The following CLSTN1 variants were observed in gnomAD, a reference collection of about 807,000 sequenced individuals.
The protein encoded by CLSTN1 is calsyntenin 1.
A neutral mutation model predicts 108.3 loss-of-function variants in CLSTN1; 28 were observed. The observed-to-expected ratio is 0.26, with a 90% CI of 0.19 to 0.35. The LOEUF (loss-of-function observed/expected upper bound fraction) is 0.35. Ranked by LOEUF, CLSTN1 falls within the 10% of genes least tolerant of loss-of-function variation. The pLI, the probability that CLSTN1 is intolerant of heterozygous loss-of-function variation, is 1.00. For missense variants in CLSTN1, 1,157 were observed against 1,302.6 expected, an observed-to-expected ratio of 0.89 and a Z score of 1.72; for synonymous variants, 524 against 534.9, an observed-to-expected ratio of 0.98 and a Z score of 0.28.
intron 6 of CLSTN1, 24 bp downstream of exon 6, chr1:9,749,740 C>A: frequency 6.2e-7 from 1 of 1,613,078 alleles, no homozygotes; most frequent in South Asian, 1.1e-5. Context: ...CAGATGTGAG[C>A]GCAGGGGAGA....
rs1305055588 is a variant in CLSTN1 at position 9,734,205 on chromosome 1, C to T, written c.2111-63G>A. Reference sequence around the variant, plus strand: ...CAGTGGGGCCCAGCGTGGCGGGGCACACTGGATGCCCTGCCGGCTCACCCC... The same window carrying T: ...CAGTGGGGCCCAGCGTGGCGGGGCATACTGGATGCCCTGCCGGCTCACCCC... On this transcript the variant is annotated intron_variant, in intron 14 of 18. Transcript: ENST00000377298. This position sits in a 1 kb window ranked among gnomAD's most constrained non-coding sequence, Gnocchi z 4.8. 1.3e-6 allele frequency: 2 copies of T among 1,521,756 alleles called. No individual in the cohort carries two copies. Among genetic ancestry groups the T allele is most frequent in the Non-Finnish European group, 9.0e-7 (1 of 1,106,784 alleles). The allele number at this position is 1,521,756 out of a possible 1,614,324, so 94.3% of individuals were successfully genotyped here.
In CLSTN1 at chr1:9,729,329, A is replaced by G. The variant is rs1650192751; in HGVS notation, c.*1179T>C. 6.6e-6 allele frequency: 1 copy of G among 152,648 alleles called. No homozygotes were observed. Among genetic ancestry groups the G allele is most frequent in the Non-Finnish European group, 1.5e-5 (1 of 68,050 alleles). 9.5% of individuals were successfully genotyped at this position (152,648 alleles called of 1,614,324 possible). A position where few individuals can be genotyped will look rare whatever the true frequency, so the allele number is the denominator to read the frequency against. On this transcript the variant is annotated 3_prime_UTR_variant, in exon 19 of 19. Coordinates refer to ENST00000377298, the MANE Select transcript of CLSTN1 (RefSeq NM_001009566.3). ...AAGAGCAAAGTGCTATGTGGGTTTT[A>G]GACCATGACTGTTTGTTTGCTCTCC...
intron 1 of CLSTN1, among the ~76,000 whole-genome samples, chr1:9,812,538 C>G (rs1286524126): frequency 1.3e-5 from 2 of 152,044 alleles, no homozygotes; most frequent in African/African-American, 4.8e-5. Context: ...TAGAAGGGCC[C>G]CAGGGTTGGT....
intron 2 of CLSTN1, among the ~76,000 whole-genome samples, chr1:9,761,366 G>A (rs1318697488): frequency 6.6e-6 from 1 of 151,984 alleles, no homozygotes; most frequent in East Asian, 1.9e-4. Context: ...GGTGGCGTGT[G>A]CCTGAGGTCC....
chr1:9,778,936 T>A (rs1021353735), intron 1 of CLSTN1, among the ~76,000 whole-genome samples: 22 of 150,514 alleles, frequency 1.5e-4, no homozygotes, highest in Non-Finnish European at 3.1e-4. Flanking sequence ...GGCAGGAGAA[T>A]CGCTTGAACC....
At chr1:9,768,920 T>G (rs1284614841) in intron 2 of CLSTN1, among the ~76,000 whole-genome samples, 1 of 83,200 alleles carries the variant, frequency 1.2e-5, no homozygotes, top group African/African-American at 4.9e-5. Context: ...AGGGAGAAAG[T>G]AAAGGAGAAA....
At chr1:9,762,721 C>T (rs1652141774) in intron 2 of CLSTN1, among the ~76,000 whole-genome samples, 1 of 150,696 alleles carries the variant, frequency 6.6e-6, no homozygotes, top group African/African-American at 2.5e-5. Flanking sequence ...GGCCTTGGTG[C>T]CCGCACTCAA....
rs1251920670 is a variant in CLSTN1 at position 9,823,616 on chromosome 1, G to GCGGCC, written c.91+22_91+26dup. On this transcript the variant is annotated intron_variant, in intron 1 of 18. Coordinates refer to ENST00000377298, the MANE Select transcript of CLSTN1 (RefSeq NM_001009566.3). This position sits in a 1 kb window ranked among gnomAD's most constrained non-coding sequence, Gnocchi z 6.3. The stretch of plus-strand genomic sequence containing the variant: ...CGGACCCGAATCCCGCACCGACCCA[G>GCGGCC]CGGCCCGGCCCAGCCCCGGGGCTTA... 75 of 1,177,890 alleles carry GCGGCC rather than the reference G, an allele frequency of 6.4e-5. No individual in the cohort carries two copies. In the African/African-American group the frequency reaches 7.7e-4, roughly 12 times the overall value. The allele number at this position is 1,177,890 out of a possible 1,614,324, so 73.0% of individuals were successfully genotyped here. A position where few individuals can be genotyped will look rare whatever the true frequency, so the allele number is the denominator to read the frequency against.
In CLSTN1 at chr1:9,817,028, G is replaced by A. The variant is rs1655000238; in HGVS notation, c.91+6615C>T. Among the ~76,000 whole-genome samples the A allele has an allele frequency of 2.0e-5, 3 of 152,192 alleles. No homozygotes were observed. In the South Asian group the frequency reaches 6.2e-4, roughly 32 times the overall value. On this transcript the variant is annotated intron_variant, in intron 1 of 18. Coordinates refer to ENST00000377298, the MANE Select transcript of CLSTN1 (RefSeq NM_001009566.3). ...TTGAAAAGTAGCAGACTCAACAGAAGTTCTTGTCATGGGAGAATCAGACAG... is the reference window on the plus strand; with the variant it reads ...TTGAAAAGTAGCAGACTCAACAGAAATTCTTGTCATGGGAGAATCAGACAG...
At chr1:9,770,144 G>GA (rs1262547174) in intron 2 of CLSTN1, among the ~76,000 whole-genome samples, 16 of 151,824 alleles carry the variant, frequency 1.1e-4, no homozygotes, top group Admixed American at 3.9e-4. Context: ...TATCCAAAAG[G>GA]AAAATATTGA....
At chr1:9,800,523 T>A (rs1281449546) in intron 1 of CLSTN1, among the ~76,000 whole-genome samples, 1 of 126,562 alleles carries the variant, frequency 7.9e-6, no homozygotes, top group Non-Finnish European at 1.6e-5. Context: ...ATCAAGACCA[T>A]CCTGGCTAAT....
In CLSTN1 at chr1:9,773,999, C is replaced by G. The variant is rs146879460; in HGVS notation, c.92-605G>C. ...TCAAGTGATCCGCCTGCCTTGGCCT[C>G]CCAAAGTGTTGGGATTACAGGCGTG... On this transcript the variant is annotated intron_variant, in intron 1 of 18. Transcript: ENST00000377298. Among the ~76,000 whole-genome samples the G allele has an allele frequency of 1.0e-2, 1,520 of 152,114 alleles. 22 individuals are homozygous for G. The highest frequency in any genetic ancestry group is 0.034 in the African/African-American group (1,393 of 41,494).
intron 9 of CLSTN1, 41 bp from the exon 10 acceptor site, chr1:9,741,297 C>G (rs753716256): frequency 6.4e-7 from 1 of 1,566,404 alleles, no homozygotes; most frequent in African/African-American, 1.3e-5. Flanking sequence ...GAGATGTCCA[C>G]TTTCCTTCTC....
chr1:9,734,780 C>T lies in CLSTN1; in HGVS notation c.2110+168G>A, dbSNP rs1017895199. 3.3e-5 allele frequency among the ~76,000 whole-genome samples: 5 copies of T among 152,102 alleles called. No individual in the cohort carries two copies. The highest frequency in any genetic ancestry group is 7.4e-5 in the Non-Finnish European group (5 of 68,022). On this transcript the variant is annotated intron_variant, in intron 14 of 18. Transcript: ENST00000377298. This position sits in a 1 kb window ranked among gnomAD's most constrained non-coding sequence, Gnocchi z 4.8. ...CTCCAGATGGGATTCCAGAGATCAC[C>T]ATGAGCTCCAGCTCACGGGTCAGAT...
chr1:9,817,941 G>T (rs1055595990), intron 1 of CLSTN1, among the ~76,000 whole-genome samples: 1 of 151,878 alleles, frequency 6.6e-6, no homozygotes, highest in African/African-American at 2.4e-5. Flanking sequence ...GCCATTTAAG[G>T]GTTCCTATAT....
intron 7 of CLSTN1, 67 bp from the exon 8 acceptor site, chr1:9,744,710 G>T: frequency 6.6e-7 from 1 of 1,510,214 alleles, no homozygotes; most frequent in Non-Finnish European, 8.8e-7. Context: ...CAAGCCCCCA[G>T]GCACGTGCTT....
At chr1:9,822,518 C>G (rs968783371) in intron 1 of CLSTN1, among the ~76,000 whole-genome samples, 2 of 152,130 alleles carry the variant, frequency 1.3e-5, no homozygotes, top group African/African-American at 2.4e-5. Context: ...TTCTATCAAT[C>G]CTCCTCCCCA....
chr1:9,795,234 C>T (rs1031945866), intron 1 of CLSTN1, among the ~76,000 whole-genome samples: 4 of 149,916 alleles, frequency 2.7e-5, no homozygotes, highest in South Asian at 2.2e-4. Context: ...GGCCCGATCT[C>T]GGCTCACTGC....
At chr1:9,789,559 C>T (rs530334061) in intron 1 of CLSTN1, among the ~76,000 whole-genome samples, 21 of 151,584 alleles carry the variant, frequency 1.4e-4, no homozygotes, top group African/African-American at 4.6e-4. Context: ...AACACCGATA[C>T]CACTTATTTT....
Sources: gnomAD v4.1 joint callset for allele counts (sites outside exome capture counted in the v4.1 genomes callset) on GRCh38, gnomAD v4.1.1 for gene constraint, Gnocchi (gnomAD v3.1) non-coding constraint, MANE v1.5 for transcripts, NCBI Gene and HGNC (gene_info 2026-07-23, HGNC 2026-07-21) for gene names.